Variants in ANKRD13C observed in about 807,000 individuals in gnomAD.
ANKRD13C encodes the protein ankyrin repeat domain 13C, also known as ankyrin repeat domain-containing protein 13C.
ANKRD13C carries 16 observed loss-of-function variants against 65.5 expected under a neutral mutation model. The ratio of observed to expected loss-of-function variants is 0.24; its 90% confidence interval spans 0.17 to 0.37. ANKRD13C has a LOEUF of 0.37. Among genes scored for constraint, ANKRD13C ranks in the 10% least tolerant of loss-of-function variants. The probability of loss-of-function intolerance (pLI) is 1.00; values close to 1 mark genes in which losing one functional copy is unlikely to be tolerated. For synonymous variants in ANKRD13C, 235 were observed against 238.7 expected (o/e 0.98, Z 0.14); for missense variants, 503 against 655.9 (o/e 0.77, Z 2.55).
At chr1:70,283,162 T>A (rs1174236605) in intron 9 of ANKRD13C, among the ~76,000 whole-genome samples, 1 of 152,086 alleles carries the variant, frequency 6.6e-6, no homozygotes, top group Non-Finnish European at 1.5e-5. Flanking sequence ...TTTCAAGGAA[T>A]CCCAAATAGA....
chr1:70,321,557 C>A (rs892698453), intron 3 of ANKRD13C, among the ~76,000 whole-genome samples: 1 of 152,048 alleles, frequency 6.6e-6, no homozygotes, highest in African/African-American at 2.4e-5. Context: ...AAACTGTGAA[C>A]AACTTCTGGA....
At chr1:70,292,711 A>T (rs1679912441) in intron 8 of ANKRD13C, among the ~76,000 whole-genome samples, 162 bp from the exon 9 acceptor site, 1 of 152,242 alleles carries the variant, frequency 6.6e-6, no homozygotes, top group Admixed American at 6.5e-5. Context: ...TACAACATAT[A>T]CATCTAAGTT....
chr1:70,311,025 T>C (rs1315518522), intron 5 of ANKRD13C, among the ~76,000 whole-genome samples: 1 of 152,206 alleles, frequency 6.6e-6, no homozygotes, highest in Non-Finnish European at 1.5e-5. Flanking sequence ...CCTGATGAGC[T>C]AGAGTTATAA....
At chr1:70,267,756 G>A (rs1324588749) in intron 12 of ANKRD13C, among the ~76,000 whole-genome samples, 1 of 151,522 alleles carries the variant, frequency 6.6e-6, no homozygotes, top group Non-Finnish European at 1.5e-5. Flanking sequence ...TTTATCTATG[G>A]TGTTTTTGAG....
intron 9 of ANKRD13C, among the ~76,000 whole-genome samples, chr1:70,285,630 CTTTTTTTTT>C: frequency 7.5e-6 from 1 of 133,564 alleles, no homozygotes; most frequent in East Asian, 2.1e-4. Context: ...GAGTTAAACA[CTTTTTTTTT>C]TTTTTTTTTG....
At chr1:70,289,052 G>A (rs555504219) in intron 9 of ANKRD13C, among the ~76,000 whole-genome samples, 7 of 152,214 alleles carry the variant, frequency 4.6e-5, no homozygotes, top group East Asian at 3.9e-4. Context: ...ATCCCACCAC[G>A]TTTTTTATCT....
Position 70,354,705 on chromosome 1 carries a change from G to T in ANKRD13C, c.-297C>A. On this transcript the variant is annotated 5_prime_UTR_variant, in exon 1 of 13. Transcript: ENST00000370944. ...GCCTTACACCGAAAAACAGGGCACG[G>T]CCATCTTCCTCTTGCTCCTCTCGCG... 1 of 736,602 alleles carries T rather than the reference G, an allele frequency of 1.4e-6. No homozygotes were observed. Among genetic ancestry groups the T allele is most frequent in the East Asian group, 2.7e-5 (1 of 36,862 alleles). 45.6% of individuals were successfully genotyped at this position (736,602 alleles called of 1,614,324 possible).
Position 70,274,750 on chromosome 1 carries a change from A to G in ANKRD13C, c.1364T>C (p.Met455Thr), listed in dbSNP as rs544786013. Residue 455 changes from methionine to threonine, a missense_variant, in exon 11 of 13, where the codon ATG (methionine) becomes ACG (threonine). By Grantham distance (81) the Met-to-Thr change is moderately conservative (BLOSUM62 -1). This residue lies in a region of ANKRD13C where 300 missense variants were observed against 478.3 expected (regional missense o/e 0.63). Coordinates refer to ENST00000370944, the MANE Select transcript of ANKRD13C (RefSeq NM_030816.5). ...TATCCCTAAGGGAAATTCCTGGCTC[A>G]TGGCTATCGTAGCTTTAAACGTTTT... ...SKKTFKATIAMSQEFPLGIEL... is the reference protein window; with the variant it reads ...SKKTFKATIATSQEFPLGIEL... The G allele has an allele frequency of 3.7e-6, 6 of 1,613,596 alleles. No individual in the cohort carries two copies. Among genetic ancestry groups the G allele is most frequent in the Non-Finnish European group, 5.1e-6 (6 of 1,179,722 alleles).
intron 9 of ANKRD13C, among the ~76,000 whole-genome samples, chr1:70,282,080 A>C (rs1372007880): frequency 7.6e-6 from 1 of 132,228 alleles, no homozygotes; most frequent in East Asian, 2.3e-4. Flanking sequence ...TTTGAGATGG[A>C]GTCTCGCTCT....
intron 9 of ANKRD13C, 91 bp downstream of exon 9, chr1:70,292,297 T>G (rs1462802448): frequency 2.2e-6 from 2 of 902,368 alleles, no homozygotes; most frequent in Non-Finnish European, 3.1e-6. Context: ...AAGCTGTGAG[T>G]ACATTTATAT....
chr1:70,295,735 A>G (rs930983619), intron 8 of ANKRD13C, among the ~76,000 whole-genome samples: 1 of 152,194 alleles, frequency 6.6e-6, no homozygotes, highest in Non-Finnish European at 1.5e-5. Flanking sequence ...AGAAAAAAAT[A>G]TTAAGTAAAT....
chr1:70,296,396 T>C (rs1680083742), intron 7 of ANKRD13C, 135 bp from the exon 8 acceptor site: 1 of 831,688 alleles, frequency 1.2e-6, no homozygotes, highest in African/African-American at 1.7e-5. Flanking sequence ...TAATGTGAAG[T>C]GTTACTTACT....
rs1385793368 is a variant in ANKRD13C, at chr1:70,315,569, A to G, written c.578-3T>C. 21 of 1,597,460 alleles carry G rather than the reference A, an allele frequency of 1.3e-5. No homozygotes were observed. Among genetic ancestry groups the G allele is most frequent in the Non-Finnish European group, 1.5e-5 (18 of 1,174,420 alleles). On this transcript the variant is annotated splice_polypyrimidine_tract_variant and splice_region_variant and intron_variant, in intron 3 of 12. Coordinates refer to ENST00000370944, the MANE Select transcript of ANKRD13C (RefSeq NM_030816.5). Reference sequence around the variant, plus strand: ...AAGCTTCCTCAAAAGAGCTGTAACTAAAGTTTAAATTTTAAAAATAACTAA... The same window carrying G: ...AAGCTTCCTCAAAAGAGCTGTAACTGAAGTTTAAATTTTAAAAATAACTAA...
At chr1:70,309,732 A>ATAATAAT (rs1553248050) in intron 5 of ANKRD13C, among the ~76,000 whole-genome samples, 1 of 107,098 alleles carries the variant, frequency 9.3e-6, no homozygotes, top group Admixed American at 1.0e-4. Flanking sequence ...AAAAAAAAAA[A>ATAATAAT]AATAATAATA....
At chr1:70,281,427 G>A (rs2101176485) in intron 9 of ANKRD13C, among the ~76,000 whole-genome samples, 1 of 137,556 alleles carries the variant, frequency 7.3e-6, no homozygotes, top group Admixed American at 7.5e-5. Flanking sequence ...TTTTGAGACA[G>A]GGTCTTGCTC....
At chr1:70,343,618 C>T (rs1260588209) in intron 1 of ANKRD13C, among the ~76,000 whole-genome samples, 4 of 152,154 alleles carry the variant, frequency 2.6e-5, no homozygotes, top group African/African-American at 7.2e-5. Context: ...GATGCCATCT[C>T]GGCTCACTGC....
intron 9 of ANKRD13C, among the ~76,000 whole-genome samples, chr1:70,277,456 C>CAA (rs199589444): frequency 0.015 from 882 of 59,694 alleles, 15 homozygotes; most frequent in African/African-American, 0.044. Context: ...GACTCCACCT[C>CAA]AAAAAAAAAA....
At chr1:70,330,877 C>T (rs1163249006) in intron 2 of ANKRD13C, among the ~76,000 whole-genome samples, 1 of 152,048 alleles carries the variant, frequency 6.6e-6, no homozygotes, top group East Asian at 1.9e-4. Context: ...TCTCGTAAAA[C>T]TTCCTGAAAC....
chr1:70,262,943 T>TAAAA (rs34241203), intron 12 of ANKRD13C, 96 bp from the exon 13 acceptor site: 45,455 of 457,112 alleles, frequency 0.099, 3,027 homozygotes, highest in Admixed American at 0.14. Flanking sequence ...CCTTAAAATG[T>TAAAA]AAAAAAAAAA....
Sources: allele counts gnomAD v4.1 joint callset (sites outside exome capture counted in the v4.1 genomes callset), GRCh38; gene constraint gnomAD v4.1.1; regional missense constraint gnomAD v4.1.1; transcripts MANE v1.5; gene names NCBI Gene and HGNC (gene_info 2026-07-23, HGNC 2026-07-21).